RCL1: variants seen among roughly 807,000 people sequenced by gnomAD.
RCL1 encodes the protein RNA terminal phosphate cyclase like 1.
Under a neutral mutation model 42.4 loss-of-function variants are expected in RCL1, and 24 were observed. The observed-to-expected ratio is 0.57, with a 90% CI of 0.41 to 0.80. The LOEUF (loss-of-function observed/expected upper bound fraction) is 0.80, where lower values mean the gene tolerates loss of function less well. Ranked by LOEUF, RCL1 falls within the 30% of genes least tolerant of loss-of-function variation. The pLI is 0.00. For missense variants in RCL1, 578 were observed against 467.9 expected (o/e 1.24, Z -2.17); for synonymous variants, 228 against 177.3 (o/e 1.29, Z -2.27).
chr9:4,822,631 A>C (rs1464366945), intron 1 of RCL1, among the ~76,000 whole-genome samples: 2 of 152,040 alleles, frequency 1.3e-5, no homozygotes, highest in Non-Finnish European at 2.9e-5. Context: ...CAGCCTGGTG[A>C]ATATAACGAG....
At chr9:4,846,544 G>C (rs181538421) in intron 7 of RCL1, among the ~76,000 whole-genome samples, 2 of 149,042 alleles carry the variant, frequency 1.3e-5, no homozygotes, top group Admixed American at 6.7e-5. Flanking sequence ...CTTAATTCAC[G>C]AAGTTTGTGG....
intron 3 of RCL1, among the ~76,000 whole-genome samples, chr9:4,828,081 G>A (rs370013404): frequency 6.0e-5 from 9 of 151,212 alleles, no homozygotes; most frequent in African/African-American, 2.2e-4. Flanking sequence ...AGCTACTCGG[G>A]AGACTGAGGC....
intron 4 of RCL1, 150 bp from the exon 5 acceptor site, chr9:4,833,991 C>G (rs1274253853): frequency 1.3e-6 from 1 of 768,280 alleles, no homozygotes; most frequent in Non-Finnish European, 2.0e-6. Flanking sequence ...ACATAAGGTG[C>G]TGTTGGTCTT....
At chr9:4,824,322 A>G (rs534276075) in intron 2 of RCL1, among the ~76,000 whole-genome samples, 64 of 151,528 alleles carry the variant, frequency 4.2e-4, no homozygotes, top group Non-Finnish European at 7.8e-4. Context: ...GGACATTTGC[A>G]TAATTCAGAC....
intron 1 of RCL1, among the ~76,000 whole-genome samples, chr9:4,805,200 C>G (rs969355319): frequency 3.3e-5 from 5 of 152,036 alleles, no homozygotes; most frequent in Non-Finnish European, 7.3e-5. Flanking sequence ...AGAAAACAAA[C>G]AAAACAATAA....
In RCL1 at chr9:4,860,421, A is replaced by G; in HGVS notation, c.*146A>G. ...TGAAGAAATATCAATATACAAATAA[A>G]AGACATCCCTGTAGCATATGGTTTC... On this transcript the variant is annotated 3_prime_UTR_variant, in exon 9 of 9. Transcript: ENST00000381750. 1 of 874,410 alleles carries G rather than the reference A, an allele frequency of 1.1e-6. No individual in the cohort carries two copies. The highest frequency in any genetic ancestry group is 1.7e-6 in the Non-Finnish European group (1 of 593,244). The allele number at this position is 874,410 out of a possible 1,614,324, so 54.2% of individuals were successfully genotyped here.
At chr9:4,804,898 C>G (rs1431726311) in intron 1 of RCL1, 1 of 152,972 alleles carries the variant, frequency 6.5e-6, no homozygotes, top group African/African-American at 2.4e-5. Context: ...GTCACCAGGT[C>G]ATAGGGTGGC....
intron 5 of RCL1, among the ~76,000 whole-genome samples, chr9:4,837,441 G>C: frequency 6.6e-6 from 1 of 152,082 alleles, no homozygotes; most frequent in Non-Finnish European, 1.5e-5. Context: ...TTTGTCTGGG[G>C]GGTAGTTGTT....
chr9:4,814,393 T>C (rs1816297544), intron 1 of RCL1, among the ~76,000 whole-genome samples: 2 of 152,034 alleles, frequency 1.3e-5, no homozygotes, highest in African/African-American at 4.8e-5. Context: ...AAGCAATCTT[T>C]CCGGCCTGGT....
intron 5 of RCL1, among the ~76,000 whole-genome samples, chr9:4,835,010 G>A (rs10974806): frequency 0.018 from 2,722 of 152,316 alleles, 65 homozygotes; most frequent in African/African-American, 0.059. Flanking sequence ...ACAGAGGATT[G>A]CAAAGTAGAG....
Position 4,849,550 on chromosome 9 carries a change from C to G in RCL1, c.971C>G (p.Thr324Arg). The change falls in exon 8 of 9, where the codon ACG (threonine) becomes AGG (arginine). Residue 324 changes from threonine to arginine, a missense_variant and splice_region_variant. By Grantham distance (71) the Thr-to-Arg change is moderately conservative (BLOSUM62 -1). Coordinates refer to ENST00000381750, the MANE Select transcript of RCL1 (RefSeq NM_005772.5). ...KVLLGPLSPY[T>R]IEFLRHLKSF... ...CTGCTAGGCCCTCTCTCTCCCTACACGTAAGTTATTCTTTTTCAACCTCGT... is the reference window on the plus strand; with the variant it reads ...CTGCTAGGCCCTCTCTCTCCCTACAGGTAAGTTATTCTTTTTCAACCTCGT... 1.2e-6 allele frequency: 2 copies of G among 1,605,124 alleles called. No individual in the cohort carries two copies. The highest frequency in any genetic ancestry group is 1.7e-6 in the Non-Finnish European group (2 of 1,171,870).
intron 8 of RCL1, 92 bp downstream of exon 8, chr9:4,849,642 C>T (rs1280863012): frequency 1.2e-5 from 10 of 858,328 alleles, no homozygotes; most frequent in Non-Finnish European, 1.9e-5. Context: ...ACAGAGCCTG[C>T]ACTATGAACA....
In RCL1 at chr9:4,832,985, A is replaced by G. The variant is rs185913646; in HGVS notation, c.385-169A>G. Among the ~76,000 whole-genome samples the G allele has an allele frequency of 2.4e-3, 358 of 152,210 alleles. 4 individuals carry two copies. Among genetic ancestry groups the G allele is most frequent in the African/African-American group, 8.3e-3 (346 of 41,534 alleles). On this transcript the variant is annotated intron_variant, in intron 3 of 8. Coordinates refer to ENST00000381750, the MANE Select transcript of RCL1 (RefSeq NM_005772.5). ...GAGAAGCCCAGTGGCCTGTGAAATC[A>G]CAGTGTTCCTCAGGCAGAGCCAGCC...
At chr9:4,860,029 T>G (rs2129765269) in intron 8 of RCL1, 96 bp from the exon 9 acceptor site, 2 of 805,872 alleles carry the variant, frequency 2.5e-6, no homozygotes, top group Middle Eastern at 3.8e-4. Context: ...GCCCTCTAGG[T>G]CTGGGAGATT....
At chr9:4,830,920 G>T (rs1001725255) in intron 3 of RCL1, among the ~76,000 whole-genome samples, 6 of 152,178 alleles carry the variant, frequency 3.9e-5, no homozygotes, top group Non-Finnish European at 2.9e-5. Context: ...TCTGACCGCA[G>T]AGTGGACCGA....
At chr9:4,814,757 T>A (rs1816312368) in intron 1 of RCL1, among the ~76,000 whole-genome samples, 1 of 152,194 alleles carries the variant, frequency 6.6e-6, no homozygotes, top group African/African-American at 2.4e-5. Context: ...TGATTATCAT[T>A]TTTTCATTTC....
At chr9:4,851,076 A>G (rs1248760478) in intron 8 of RCL1, among the ~76,000 whole-genome samples, 1 of 151,980 alleles carries the variant, frequency 6.6e-6, no homozygotes, top group Admixed American at 6.5e-5. Flanking sequence ...CAGGACCTGT[A>G]TGATGTTTTC....
intron 1 of RCL1, among the ~76,000 whole-genome samples, chr9:4,821,279 G>T (rs1027749842): frequency 1.3e-5 from 2 of 152,098 alleles, no homozygotes; most frequent in African/African-American, 4.8e-5. Context: ...GAGAGAGCAT[G>T]GACTTTGGAG....
rs535508120 is a variant in RCL1 at position 4,853,847 on chromosome 9, G to A, written c.971+4297G>A. Among the ~76,000 whole-genome samples the A allele has an allele frequency of 2.0e-5, 3 of 151,958 alleles. No individual in the cohort carries two copies. The South Asian group carries it at 6.2e-4, about 32-fold the overall frequency. On this transcript the variant is annotated intron_variant, in intron 8 of 8. Coordinates refer to ENST00000381750, the MANE Select transcript of RCL1 (RefSeq NM_005772.5). Reference sequence around the variant, plus strand: ...CTTTTTCCATGACTGTGGAAGTGCTGAGGAGCTAGAGGACACTGTCCTTGT... The same window carrying A: ...CTTTTTCCATGACTGTGGAAGTGCTAAGGAGCTAGAGGACACTGTCCTTGT...
Sources: gnomAD v4.1 joint callset for allele counts (sites outside exome capture counted in the v4.1 genomes callset) on GRCh38, gnomAD v4.1.1 for gene constraint, MANE v1.5 for transcripts, NCBI Gene and HGNC (gene_info 2026-07-23, HGNC 2026-07-21) for gene names.